Variants in NPAS3 observed in about 807,000 individuals in gnomAD.
NPAS3 encodes neuronal PAS domain protein 3.
In NPAS3, 14 loss-of-function variants were observed where a neutral mutation model predicts 73.1. The observed-to-expected ratio is 0.19, with a 90% CI of 0.13 to 0.30. NPAS3 has a LOEUF of 0.30. NPAS3 is among the 10% of genes least tolerant of loss of function. The probability of loss-of-function intolerance (pLI) is 1.00; values close to 1 mark genes in which losing one functional copy is unlikely to be tolerated. For missense variants in NPAS3, 1,096 were observed against 1,250.0 expected (o/e 0.88, Z 1.86); for synonymous variants, 620 against 541.5 (o/e 1.14, Z -2.01).
At chr14:33,665,312 G>A (rs1028375102) in intron 5 of NPAS3, among the ~76,000 whole-genome samples, 11 of 152,146 alleles carry the variant, frequency 7.2e-5, no homozygotes, top group African/African-American at 2.2e-4. Flanking sequence ...GGGGGCTAGG[G>A]GAGGGATAGC....
intron 4 of NPAS3, among the ~76,000 whole-genome samples, chr14:33,466,778 C>T (rs2050545741): frequency 6.6e-6 from 1 of 152,036 alleles, no homozygotes; most frequent in South Asian, 2.1e-4. Flanking sequence ...ACCAGATCTT[C>T]CAAGAACTCA....
chr14:33,727,465 C>G (rs1262087057), intron 6 of NPAS3, among the ~76,000 whole-genome samples: 1 of 152,032 alleles, frequency 6.6e-6, no homozygotes, highest in Non-Finnish European at 1.5e-5. Flanking sequence ...TCGGTTCTAT[C>G]AACAGTGAAG....
intron 10 of NPAS3, among the ~76,000 whole-genome samples, chr14:33,794,610 AT>A (rs5807747): frequency 0.034 from 4,831 of 143,240 alleles, 262 homozygotes; most frequent in African/African-American, 0.11. Flanking sequence ...AATGAAGGCA[AT>A]TTTTTTTTTT....
intron 3 of NPAS3, among the ~76,000 whole-genome samples, chr14:33,308,350 A>G (rs2042842569): frequency 1.3e-5 from 2 of 152,002 alleles, no homozygotes; most frequent in South Asian, 4.1e-4. Flanking sequence ...AATATTGTCC[A>G]GATGGCAGAA....
intron 5 of NPAS3, among the ~76,000 whole-genome samples, chr14:33,576,016 A>C (rs1012963389): frequency 2.6e-5 from 4 of 152,248 alleles, no homozygotes; most frequent in African/African-American, 9.6e-5. Context: ...TAGGTTGCCA[A>C]ATACAAACCT....
chr14:33,381,585 A>T lies in NPAS3; in HGVS notation c.468+14317A>T, dbSNP rs143625411. 2.0e-5 allele frequency among the ~76,000 whole-genome samples: 3 copies of T among 152,306 alleles called. No individual in the cohort carries two copies. In the East Asian group the frequency reaches 5.8e-4, roughly 29 times the overall value. On this transcript the variant is annotated intron_variant, in intron 4 of 11. Coordinates refer to ENST00000356141, the Ensembl canonical transcript of NPAS3. ...AGTAAAGGGATTTGCTTAAGGTCCCATGGCTATTAGTAACTAGCTAGCACA... is the reference window on the plus strand; with the variant it reads ...AGTAAAGGGATTTGCTTAAGGTCCCTTGGCTATTAGTAACTAGCTAGCACA...
In NPAS3 at chr14:33,445,382, G is replaced by A. The variant is rs182368685; in HGVS notation, c.468+78114G>A. 2.4e-4 allele frequency among the ~76,000 whole-genome samples: 37 copies of A among 152,270 alleles called. No individual in the cohort carries two copies. In the East Asian group the frequency reaches 2.9e-3, roughly 12 times the overall value. On this transcript the variant is annotated intron_variant, in intron 4 of 11. Coordinates refer to ENST00000356141, the Ensembl canonical transcript of NPAS3. ...GTGAAACTCACTGTCTTCTACTACA[G>A]CTATTCTCCTGTAGAATTTTACCTG...
chr14:33,564,281 G>A (rs1173767804), intron 5 of NPAS3, among the ~76,000 whole-genome samples: 1 of 152,128 alleles, frequency 6.6e-6, no homozygotes, highest in African/African-American at 2.4e-5. Flanking sequence ...CATCAAAAAT[G>A]AAAAACCATT....
At chr14:33,223,758 T>C (rs1018861078) in intron 3 of NPAS3, among the ~76,000 whole-genome samples, 4 of 152,186 alleles carry the variant, frequency 2.6e-5, no homozygotes, top group African/African-American at 9.6e-5. Context: ...CTAATATTTC[T>C]ATTTTCCTTT....
chr14:33,498,931 AGAGAGTGTGTGTGTGTGTGTGT>A (rs1339197133), intron 4 of NPAS3, among the ~76,000 whole-genome samples: 21 of 119,330 alleles, frequency 1.8e-4, no homozygotes, highest in Middle Eastern at 4.4e-3. Context: ...AGAGACAGAG[AGAGAGTGTGTGTGTGTGTGTGT>A]GTGTGTGTGT....
chr14:33,297,320 C>T (rs1031450768), intron 3 of NPAS3, among the ~76,000 whole-genome samples: 25 of 151,978 alleles, frequency 1.6e-4, no homozygotes, highest in Non-Finnish European at 2.9e-4. Context: ...TAGATTTATG[C>T]TATATAATGT....
chr14:33,339,236 C>A (rs1051372419), intron 3 of NPAS3, among the ~76,000 whole-genome samples: 1 of 151,958 alleles, frequency 6.6e-6, no homozygotes, highest in Non-Finnish European at 1.5e-5. Context: ...GCATTTCAAC[C>A]CTGATTCAAA....
At chr14:33,168,706 C>G (rs1389671937) in intron 2 of NPAS3, among the ~76,000 whole-genome samples, 4 of 152,128 alleles carry the variant, frequency 2.6e-5, no homozygotes, top group Non-Finnish European at 5.9e-5. Flanking sequence ...TCAGTCTCTA[C>G]TAGCTTCCTT....
At chr14:33,480,551 T>TCCTCCCTC (rs1307254736) in intron 4 of NPAS3, among the ~76,000 whole-genome samples, 190 of 16,412 alleles carry the variant, frequency 0.012, 2 homozygotes, top group African/African-American at 0.089. Flanking sequence ...CCCCCACCCT[T>TCCTCCCTC]CCTCCCTCCC....
chr14:33,121,028 A>G (rs905048139), intron 2 of NPAS3, among the ~76,000 whole-genome samples: 1 of 152,110 alleles, frequency 6.6e-6, no homozygotes, highest in Non-Finnish European at 1.5e-5. Context: ...TAGCCACTAC[A>G]TTACTCAGAA....
chr14:32,950,424 C>T (rs952372429), intron 1 of NPAS3, among the ~76,000 whole-genome samples: 2 of 152,010 alleles, frequency 1.3e-5, no homozygotes, highest in African/African-American at 2.4e-5. Flanking sequence ...TTTTCCATAA[C>T]CTATACTGCT....
At chr14:33,018,133 A>G (rs141701684) in intron 1 of NPAS3, among the ~76,000 whole-genome samples, 166 of 152,366 alleles carry the variant, frequency 1.1e-3, no homozygotes, top group African/African-American at 3.8e-3. Flanking sequence ...TAAGAGGGAC[A>G]GATTGTGGAG....
At chr14:33,356,859 G>A (rs969465163) in intron 3 of NPAS3, among the ~76,000 whole-genome samples, 7 of 152,220 alleles carry the variant, frequency 4.6e-5, no homozygotes, top group Admixed American at 2.6e-4. Flanking sequence ...TCAGCCTTGA[G>A]TCTAAATAAT....
chr14:33,793,658 CA>C (rs1005546521), intron 9 of NPAS3, among the ~76,000 whole-genome samples: 1 of 152,102 alleles, frequency 6.6e-6, no homozygotes, highest in Non-Finnish European at 1.5e-5. Context: ...CATGGCTGCC[CA>C]AAACGGAATA....
Sources: gnomAD v4.1 joint callset for allele counts (sites outside exome capture counted in the v4.1 genomes callset) on GRCh38, gnomAD v4.1.1 for gene constraint, MANE v1.5 for transcripts, NCBI Gene and HGNC (gene_info 2026-07-23, HGNC 2026-07-21) for gene names.